Variants in RBFOX1 observed in about 807,000 individuals in gnomAD.
The protein encoded by RBFOX1 is RNA binding protein fox-1 homolog 1.
RBFOX1 carries 8 observed loss-of-function variants against 57.7 expected under a neutral mutation model. The ratio of observed to expected loss-of-function variants is 0.14; its 90% CI spans 0.08 to 0.25. The LOEUF is 0.25. Among genes scored for constraint, RBFOX1 ranks in the 10% least tolerant of loss-of-function variants. The probability of loss-of-function intolerance (pLI) is 1.00; values close to 1 mark genes in which losing one functional copy is unlikely to be tolerated. For missense variants in RBFOX1, 611 were observed against 548.5 expected, an observed-to-expected ratio of 1.11 and a Z score of -1.14; for synonymous variants, 326 against 222.4, an observed-to-expected ratio of 1.47 and a Z score of -4.15.
intron 2 of RBFOX1, among the ~76,000 whole-genome samples, chr16:6,431,434 C>T (rs557106621): frequency 5.3e-5 from 8 of 152,152 alleles, no homozygotes; most frequent in African/African-American, 1.7e-4. Context: ...GACGGTCCAG[C>T]CCACTACCTA....
intron 4 of RBFOX1, among the ~76,000 whole-genome samples, chr16:5,884,079 T>C (rs560164055): frequency 6.6e-6 from 1 of 152,310 alleles, no homozygotes; most frequent in East Asian, 1.9e-4. Flanking sequence ...GGATAATCAC[T>C]GTAGCTGCCT....
chr16:5,814,961 A>AAAAAAAAT (rs2055574066), intron 3 of RBFOX1, among the ~76,000 whole-genome samples: 2 of 151,102 alleles, frequency 1.3e-5, no homozygotes, highest in Non-Finnish European at 2.9e-5. Context: ...AAAAAAAAAA[A>AAAAAAAAT]ATTTTATTCC....
At chr16:5,334,142 A>G (rs2064837729) in intron 1 of RBFOX1, among the ~76,000 whole-genome samples, 3 of 152,110 alleles carry the variant, frequency 2.0e-5, no homozygotes, top group Admixed American at 1.3e-4. Context: ...GTTTGTGTGG[A>G]GGAGAAGTTT....
At chr16:6,987,857 G>A (rs1294219428) in intron 3 of RBFOX1, among the ~76,000 whole-genome samples, 2 of 152,086 alleles carry the variant, frequency 1.3e-5, no homozygotes, top group Non-Finnish European at 2.9e-5. Flanking sequence ...TATTGGGAGG[G>A]CATCTCAAAG....
intron 4 of RBFOX1, among the ~76,000 whole-genome samples, chr16:5,889,735 C>T (rs2057999751): frequency 6.6e-6 from 1 of 152,202 alleles, no homozygotes; most frequent in African/African-American, 2.4e-5. Context: ...TCACCTAGTC[C>T]TGGGGTTGGG....
intron 15 of RBFOX1, chr16:7,710,033 G>A (rs187264618): frequency 8.5e-4 from 852 of 1,005,702 alleles, no homozygotes; most frequent in Non-Finnish European, 9.2e-4. Context: ...AACCATGGCC[G>A]GACAGTTCAC....
chr16:6,762,432 A>C (rs969415867), intron 3 of RBFOX1, among the ~76,000 whole-genome samples: 3 of 152,168 alleles, frequency 2.0e-5, no homozygotes, highest in African/African-American at 7.2e-5. Context: ...ACCACCGACA[A>C]TGAAATTATG....
chr16:6,999,206 A>ATTTTTTTTTTTTTTTTTTTTTTTTTTT (rs1220412235), intron 3 of RBFOX1, among the ~76,000 whole-genome samples: 1 of 72,126 alleles, frequency 1.4e-5, no homozygotes, highest in African/African-American at 6.0e-5. Context: ...TTTATTTTTT[A>ATTTTTTTTTTTTTTTTTTTTTTTTTTT]TTTTTATTTA....
intron 2 of RBFOX1, among the ~76,000 whole-genome samples, chr16:6,365,967 CCTT>C (rs1465545716): frequency 6.6e-6 from 1 of 151,674 alleles, no homozygotes; most frequent in Non-Finnish European, 1.5e-5. Flanking sequence ...ACTTTCCCCT[CCTT>C]CTCTGGGTGT....
chr16:5,560,306 G>A (rs186307146), intron 2 of RBFOX1, among the ~76,000 whole-genome samples: 1 of 152,040 alleles, frequency 6.6e-6, no homozygotes, highest in African/African-American at 2.4e-5. Context: ...GAAGCACTTA[G>A]TCACTTCCTC....
intron 2 of RBFOX1, among the ~76,000 whole-genome samples, chr16:6,488,706 T>A (rs62016824): frequency 0.19 from 28,859 of 151,892 alleles, 2,757 homozygotes; most frequent in Middle Eastern, 0.26. Flanking sequence ...TACGTTAGGG[T>A]TTCTCAAACA....
chr16:6,846,526 G>C (rs933544359), intron 3 of RBFOX1, among the ~76,000 whole-genome samples: 1 of 152,168 alleles, frequency 6.6e-6, no homozygotes, highest in African/African-American at 2.4e-5. Flanking sequence ...TAACATACCA[G>C]ACAGGGGAGG....
At chr16:6,399,851 C>T (rs922697240) in intron 2 of RBFOX1, among the ~76,000 whole-genome samples, 1 of 152,190 alleles carries the variant, frequency 6.6e-6, no homozygotes, top group African/African-American at 2.4e-5. Flanking sequence ...TGGAAGACAC[C>T]TCTTCACAGG....
downstream of RBFOX1, among the ~76,000 whole-genome samples, chr16:5,604,218 G>T (rs2047476413): frequency 6.6e-6 from 1 of 152,176 alleles, no homozygotes; most frequent in Non-Finnish European, 1.5e-5. Flanking sequence ...TTTTATGCGT[G>T]CTTAAGAGAC....
chr16:5,554,424 A>C (rs1361363719), intron 2 of RBFOX1, among the ~76,000 whole-genome samples: 1 of 152,182 alleles, frequency 6.6e-6, no homozygotes, highest in Non-Finnish European at 1.5e-5. Flanking sequence ...CTATATTTTC[A>C]AAAGAGGTTC....
intron 3 of RBFOX1, among the ~76,000 whole-genome samples, chr16:6,717,930 C>A (rs2065158726): frequency 6.6e-6 from 1 of 152,162 alleles, no homozygotes. Flanking sequence ...AGCTTCAGTT[C>A]CACATAGTGG....
At chr16:5,362,712 C>T (rs886398931) in intron 1 of RBFOX1, among the ~76,000 whole-genome samples, 2 of 152,220 alleles carry the variant, frequency 1.3e-5, no homozygotes, top group Admixed American at 1.3e-4. Context: ...ACCCTCTCCC[C>T]TCAGCCCCCG....
At chr16:6,090,397 A>G (rs888632281) in intron 1 of RBFOX1, among the ~76,000 whole-genome samples, 2 of 152,216 alleles carry the variant, frequency 1.3e-5, no homozygotes, top group African/African-American at 2.4e-5. Flanking sequence ...ATCACATATC[A>G]TCATCTCCAC....
intron 15 of RBFOX1, 26 bp downstream of exon 15, chr16:7,709,157 C>G (rs755735295): frequency 4.7e-5 from 74 of 1,579,216 alleles, no homozygotes; most frequent in Admixed American, 1.5e-4. Context: ...TCCTTGTCCT[C>G]ACTTCCTCCT....
Sources: gnomAD v4.1 joint callset for allele counts (sites outside exome capture counted in the v4.1 genomes callset) on GRCh38, gnomAD v4.1.1 for gene constraint, MANE v1.5 for transcripts, NCBI Gene and HGNC (gene_info 2026-07-23, HGNC 2026-07-21) for gene names.